GRID1: variants seen among roughly 807,000 people sequenced by gnomAD.
GRID1 encodes the protein glutamate ionotropic receptor delta type subunit 1, also known as glutamate receptor ionotropic, delta-1.
In GRID1, 28 loss-of-function variants were observed where a neutral mutation model predicts 98.0. That is an observed-to-expected ratio of 0.29 (90% CI 0.21 to 0.39). The LOEUF is 0.39. Among genes scored for constraint, GRID1 ranks in the 10% least tolerant of loss-of-function variants. GRID1 has a pLI of 1.00. For synonymous variants in GRID1, 553 were observed against 538.5 expected, an observed-to-expected ratio of 1.03 and a Z score of -0.37; for missense variants, 1,111 against 1,340.5, an observed-to-expected ratio of 0.83 and a Z score of 2.67.
At chr10:86,160,566 G>A (rs1845306460) in intron 3 of GRID1, among the ~76,000 whole-genome samples, 1 of 152,214 alleles carries the variant, frequency 6.6e-6, no homozygotes, top group Non-Finnish European at 1.5e-5. Context: ...GCAACCTGCT[G>A]GTGGTCACCA....
chr10:86,089,140 GT>G (rs1844106413), intron 4 of GRID1, among the ~76,000 whole-genome samples: 1 of 152,234 alleles, frequency 6.6e-6, no homozygotes, highest in Non-Finnish European at 1.5e-5. Flanking sequence ...ATCCAAAAGG[GT>G]TTAGTATAGA....
rs150313300 is a variant in GRID1, at chr10:85,699,740, T to A, written c.1997+23263A>T. On this transcript the variant is annotated intron_variant, in intron 12 of 15. Coordinates refer to ENST00000327946, the MANE Select transcript of GRID1 (RefSeq NM_017551.3). ...TAAATTAGGCTTCTGGTGAATTCAG[T>A]CTTTTTATTTTCTCCTCTGAATCTG... Among the ~76,000 whole-genome samples, 696 of 152,334 alleles carry A rather than the reference T, an allele frequency of 4.6e-3. 5 individuals carry two copies. The highest frequency in any genetic ancestry group is 0.015 in the African/African-American group (619 of 41,584).
chr10:85,852,660 GC>G (rs1487412492), intron 8 of GRID1, among the ~76,000 whole-genome samples: 2 of 152,220 alleles, frequency 1.3e-5, no homozygotes, highest in Non-Finnish European at 2.9e-5. Flanking sequence ...CACTTGGCAA[GC>G]TTTTTCACAC....
intron 8 of GRID1, among the ~76,000 whole-genome samples, chr10:85,786,789 A>G (rs1270354030): frequency 6.6e-6 from 1 of 152,232 alleles, no homozygotes; most frequent in Admixed American, 6.5e-5. Context: ...AGATTTGTGC[A>G]GAAGGCAATG....
At chr10:86,000,232 A>G (rs1265605018) in intron 4 of GRID1, among the ~76,000 whole-genome samples, 4 of 151,310 alleles carry the variant, frequency 2.6e-5, no homozygotes, top group Non-Finnish European at 4.5e-5. Flanking sequence ...AATAGCTTGG[A>G]AAAAAAAGTT....
At chr10:85,883,518 C>T (rs1355883673) in intron 5 of GRID1, among the ~76,000 whole-genome samples, 1 of 150,566 alleles carries the variant, frequency 6.6e-6, no homozygotes, top group Non-Finnish European at 1.5e-5. Context: ...CTGTCTCTCT[C>T]TCTCTCTCTC....
chr10:86,060,992 A>G (rs1387445538), intron 4 of GRID1, among the ~76,000 whole-genome samples: 2 of 151,706 alleles, frequency 1.3e-5, no homozygotes, highest in African/African-American at 2.4e-5. Context: ...ACCCCGCAGG[A>G]CTCCCTATGC....
chr10:86,147,568 C>G (rs1845106250), intron 3 of GRID1, among the ~76,000 whole-genome samples: 1 of 152,134 alleles, frequency 6.6e-6, no homozygotes, highest in Admixed American at 6.5e-5. Context: ...TTCAACAAAG[C>G]TGACAAAAAC....
rs11201832 is a variant in GRID1, at chr10:85,916,575, C to T, written c.727-336G>A. On this transcript the variant is annotated intron_variant, in intron 4 of 15. Coordinates refer to ENST00000327946, the MANE Select transcript of GRID1 (RefSeq NM_017551.3). This position sits in a 1 kb window ranked among gnomAD's most constrained non-coding sequence, Gnocchi z 4.0. ...GCCTGCAAACACCTTTCTGCAGGGG[C>T]GCTTAGGGGATGAGTGTTATCATTA... Among the ~76,000 whole-genome samples, 37,361 of 152,036 alleles carry T rather than the reference C, an allele frequency of 0.25. 4,841 individuals are homozygous for T. Among genetic ancestry groups the T allele is most frequent in the Middle Eastern group, 0.39 (116 of 294 alleles).
At chr10:86,244,144 G>A (rs188750417) in intron 2 of GRID1, among the ~76,000 whole-genome samples, 3 of 152,282 alleles carry the variant, frequency 2.0e-5, no homozygotes, top group East Asian at 3.9e-4. Context: ...CCTGGCCAGG[G>A]AATTTTTTTT....
intron 12 of GRID1, among the ~76,000 whole-genome samples, chr10:85,691,640 T>C (rs1318450594): frequency 6.6e-6 from 1 of 152,254 alleles, no homozygotes; most frequent in Non-Finnish European, 1.5e-5. Flanking sequence ...AAGTTGTGCC[T>C]AACTCTGCCT....
intron 4 of GRID1, among the ~76,000 whole-genome samples, chr10:86,042,106 G>A (rs1843354672): frequency 6.6e-6 from 1 of 152,238 alleles, no homozygotes; most frequent in African/African-American, 2.4e-5. Flanking sequence ...ATGCAAGGGG[G>A]AAACTGGGAG....
At chr10:86,305,436 T>C (rs939014795) in intron 2 of GRID1, among the ~76,000 whole-genome samples, 5 of 152,214 alleles carry the variant, frequency 3.3e-5, no homozygotes, top group African/African-American at 4.8e-5. Context: ...TTTAGGATTG[T>C]GTAAAACCCA....
chr10:86,028,912 G>C (rs1359662086), intron 4 of GRID1, among the ~76,000 whole-genome samples: 2 of 152,138 alleles, frequency 1.3e-5, no homozygotes, highest in Admixed American at 6.5e-5. Context: ...AGGATGGGAG[G>C]CAAGAAAGCT....
intron 2 of GRID1, among the ~76,000 whole-genome samples, chr10:86,297,152 C>A (rs1419267432): frequency 1.3e-5 from 2 of 151,746 alleles, no homozygotes; most frequent in Non-Finnish European, 2.9e-5. Flanking sequence ...TAAAGTTATT[C>A]TAAAATCATT....
intron 4 of GRID1, among the ~76,000 whole-genome samples, chr10:86,028,849 G>A (rs1414837345): frequency 6.6e-6 from 1 of 152,190 alleles, no homozygotes; most frequent in Non-Finnish European, 1.5e-5. Flanking sequence ...AGCTCTTCTA[G>A]TAGACTTCCA....
intron 13 of GRID1, among the ~76,000 whole-genome samples, chr10:85,626,005 C>T (rs1485037972): frequency 6.6e-6 from 1 of 152,182 alleles, no homozygotes; most frequent in African/African-American, 2.4e-5. Context: ...AAGGGACAAG[C>T]AACCACACTG....
chr10:85,820,141 C>CAGAAAGAAAGAA (rs71016112), intron 8 of GRID1, among the ~76,000 whole-genome samples: 1,749 of 114,830 alleles, frequency 0.015, 141 homozygotes, highest in African/African-American at 0.06. Context: ...AAGAAAGAAA[C>CAGAAAGAAAGAA]AGAAAGAAAG....
At chr10:86,182,917 C>T (rs190098795) in intron 3 of GRID1, among the ~76,000 whole-genome samples, 158 of 152,260 alleles carry the variant, frequency 1.0e-3, no homozygotes, top group African/African-American at 3.3e-3. Context: ...ACAAAGAACC[C>T]CTGTGACGGG....
Sources: allele counts gnomAD v4.1 joint callset (sites outside exome capture counted in the v4.1 genomes callset), GRCh38; gene constraint gnomAD v4.1.1; non-coding constraint Gnocchi (gnomAD v3.1); transcripts MANE v1.5; gene names NCBI Gene and HGNC (gene_info 2026-07-23, HGNC 2026-07-21).